The following RTN4 variants were observed in gnomAD, a reference collection of about 807,000 sequenced individuals.
The protein encoded by RTN4 is reticulon 4, also known as reticulon-4.
Under a neutral mutation model 90.4 loss-of-function variants are expected in RTN4, and 32 were observed. That is an observed-to-expected ratio of 0.35 (90% CI 0.27 to 0.48). The LOEUF (loss-of-function observed/expected upper bound fraction) is 0.48. Among genes scored for constraint, RTN4 ranks in the 20% least tolerant of loss-of-function variants. The pLI is 0.99. For missense variants in RTN4, 1,706 were observed against 1,430.2 expected, an observed-to-expected ratio of 1.19 and a Z score of -3.11; for synonymous variants, 629 against 552.5, an observed-to-expected ratio of 1.14 and a Z score of -1.94.
intron 5 of RTN4, among the ~76,000 whole-genome samples, chr2:54,978,720 T>C (rs375421277): frequency 6.6e-6 from 1 of 152,318 alleles, no homozygotes; most frequent in South Asian, 2.1e-4. Context: ...AAAATCAATG[T>C]AATTCCAATA....
In RTN4 at chr2:54,973,191, C is replaced by T. The variant is rs1677263284; in HGVS notation, c.3544G>A (p.Ala1182Thr). Residue 1182 changes from alanine (A) to threonine (T), a missense_variant, in exon 9 of 9, where the codon GCA (alanine) becomes ACA (threonine). Coordinates refer to ENST00000337526, the MANE Select transcript of RTN4 (RefSeq NM_020532.5). Reference protein sequence around the residue: ...NVKDAMAKIQAKIPGLKRKAE With the variant: ...NVKDAMAKIQTKIPGLKRKAE ...TTGCGCTTCAATCCAGGGATTTTTG[C>T]TTGGATTCTGAAAATGAAAAAGTCA... 6.2e-7 allele frequency: 1 copy of T among 1,603,058 alleles called. No individual in the cohort carries two copies. Among genetic ancestry groups the T allele is most frequent in the African/African-American group, 1.3e-5 (1 of 74,916 alleles).
intron 1 of RTN4, among the ~76,000 whole-genome samples, chr2:55,039,293 G>A (rs1038269395): frequency 3.3e-5 from 5 of 152,090 alleles, no homozygotes; most frequent in Admixed American, 6.6e-5. Context: ...AAAACATTAA[G>A]GTGAAAAAGG....
intron 1 of RTN4, among the ~76,000 whole-genome samples, chr2:55,035,636 A>G (rs1263968519): frequency 6.6e-6 from 1 of 151,898 alleles, no homozygotes; most frequent in Non-Finnish European, 1.5e-5. Flanking sequence ...AAAAAAAAAA[A>G]TCAATGAAAC....
chr2:55,094,548 C>A (rs1668998579), intron 1 of RTN4, among the ~76,000 whole-genome samples: 1 of 152,108 alleles, frequency 6.6e-6, no homozygotes, highest in Admixed American at 6.6e-5. Flanking sequence ...CGCCACATAC[C>A]ATAAACAAGT....
chr2:54,989,367 C>T (rs1334484520), intron 3 of RTN4, among the ~76,000 whole-genome samples: 1 of 152,042 alleles, frequency 6.6e-6, no homozygotes, highest in African/African-American at 2.4e-5. Flanking sequence ...TCAAATATTC[C>T]CAAACTTGTT....
chr2:55,102,277 T>G lies in RTN4; in HGVS notation c.-214+10243A>C, dbSNP rs188494083. ...TTGTAAGGCTGAAATCCCTTGAAGA[T>G]GGTATATAAACTACTACTTTAGGCC... On this transcript the variant is annotated intron_variant, in intron 1 of 3. Coordinates refer to the RTN4 transcript ENST00000427710. 2.4e-3 allele frequency among the ~76,000 whole-genome samples: 364 copies of G among 152,228 alleles called. 2 individuals are homozygous for G. The highest frequency in any genetic ancestry group is 4.0e-3 in the East Asian group (21 of 5,188).
At chr2:54,994,266 G>T (rs180735963) in intron 3 of RTN4, among the ~76,000 whole-genome samples, 1 of 152,206 alleles carries the variant, frequency 6.6e-6, no homozygotes, top group Admixed American at 6.5e-5. Flanking sequence ...ATCAGACAAA[G>T]ACATCACAAG....
rs71410411 is a variant in RTN4 at position 55,036,599 on chromosome 2, CAAAAAAAAAA to C, written c.557-8389_557-8380del. Among the ~76,000 whole-genome samples the C allele has an allele frequency of 1.2e-4, 9 of 72,996 alleles. 1 individual carries two copies. The highest frequency in any genetic ancestry group is 7.9e-4 in the East Asian group (2 of 2,522). The allele number at this position is 72,996 out of a possible 152,430, so 47.9% of individuals were successfully genotyped here. A position where few individuals can be genotyped will look rare whatever the true frequency, so the allele number is the denominator to read the frequency against. On this transcript the variant is annotated intron_variant, in intron 1 of 8. Transcript: ENST00000337526. ...CCCAGGCAACAGAGCAAGACTGTCTCAAAAAAAAAAAAAAAAAAAAAAAAATTAAAAAAAT... is the reference window on the plus strand; with the variant it reads ...CCCAGGCAACAGAGCAAGACTGTCTCAAAAAAAAAAAAAAATTAAAAAAAT...
chr2:55,103,107 C>CG lies in RTN4; in HGVS notation c.-214+9412dup, dbSNP rs1553453332. On this transcript the variant is annotated intron_variant, in intron 1 of 3. Transcript: ENST00000427710. ...CACTCCAGCAACAAGGGCAAAACTC[C>CG]GGAAAAAAAAAAAAAAAAGGAAGTA... 5.1e-5 allele frequency among the ~76,000 whole-genome samples: 5 copies of CG among 97,396 alleles called. No homozygotes were observed. The Admixed American group carries it at 5.5e-4, about 11-fold the overall frequency. 63.9% of individuals were successfully genotyped at this position (97,396 alleles called of 152,430 possible).
At chr2:55,010,115 G>T in intron 3 of RTN4, 1 of 1,613,460 alleles carries the variant, frequency 6.2e-7, no homozygotes. Context: ...TCTTCTGACC[G>T]TCCATCTCTT....
rs1668004989 is a variant in RTN4 at position 55,049,917 on chromosome 2, G to C, written c.384C>G (p.Val128=). The change falls in exon 1 of 9, where the codon GTC becomes GTG. Residue 128 remains valine, a synonymous_variant. Coordinates refer to ENST00000337526, the MANE Select transcript of RTN4 (RefSeq NM_020532.5). ...CGTCCTCAGGGAGCTTGGAGGGCGA[G>C]ACTGCGGCAGCAGACAGCGGGGATG... ...PAPSPLSAAA[V]SPSKLPEDDE... is the part of the protein sequence containing the mutation. 16 of 1,336,050 alleles carry C rather than the reference G, an allele frequency of 1.2e-5. No individual in the cohort carries two copies. The highest frequency in any genetic ancestry group is 5.5e-4 in the Middle Eastern group (2 of 3,622). The allele number at this position is 1,336,050 out of a possible 1,614,324, so 82.8% of individuals were successfully genotyped here. A position where few individuals can be genotyped will look rare whatever the true frequency, so the allele number is the denominator to read the frequency against.
intron 3 of RTN4, among the ~76,000 whole-genome samples, chr2:55,008,710 CAAAT>C (rs1261511317): frequency 2.0e-5 from 3 of 152,040 alleles, no homozygotes; most frequent in African/African-American, 7.2e-5. Flanking sequence ...ATTACTTCAA[CAAAT>C]AAAGAACTTA....
intron 2 of RTN4, among the ~76,000 whole-genome samples, chr2:55,068,028 G>T (rs1668424008): frequency 6.6e-6 from 1 of 152,126 alleles, no homozygotes; most frequent in Admixed American, 6.6e-5. Flanking sequence ...ATCTACTTCT[G>T]CATTCAATCT....
chr2:55,133,746 G>A, the RTN4 span, among the ~76,000 whole-genome samples: 1 of 152,138 alleles, frequency 6.6e-6, no homozygotes, highest in Non-Finnish European at 1.5e-5. Context: ...CCCCTAAGGA[G>A]ACCCAGCAGC....
intron 3 of RTN4, among the ~76,000 whole-genome samples, chr2:55,019,858 T>C (rs1458208169): frequency 6.6e-6 from 1 of 152,084 alleles, no homozygotes; most frequent in East Asian, 1.9e-4. Context: ...TTCTGTAAAG[T>C]TGCAGGATAT....
At chr2:55,022,574 T>C (rs536112684) in intron 3 of RTN4, among the ~76,000 whole-genome samples, 1 of 152,120 alleles carries the variant, frequency 6.6e-6, no homozygotes, top group Non-Finnish European at 1.5e-5. Flanking sequence ...TTCAGAGACC[T>C]TGGGCAAAAG....
At position 55,050,306 on chromosome 2, in the gene RTN4, G is replaced by A; in HGVS notation, c.-6C>T. 2 of 1,414,038 alleles carry A rather than the reference G, an allele frequency of 1.4e-6. No homozygotes were observed. Among genetic ancestry groups the A allele is most frequent in the Non-Finnish European group, 1.8e-6 (2 of 1,083,440 alleles). 87.6% of individuals were successfully genotyped at this position (1,414,038 alleles called of 1,614,324 possible). A position where few individuals can be genotyped will look rare whatever the true frequency, so the allele number is the denominator to read the frequency against. On this transcript the variant is annotated 5_prime_UTR_variant, in exon 1 of 9. Transcript: ENST00000337526. The surrounding 1 kb of genome is among the most constrained non-coding windows in gnomAD (Gnocchi z 4.6). ...GACTGGTCCAGGTCTTCCATGGCTG[G>A]AGGGTGGAGATGATGCTGCAGCTGC...
At chr2:54,980,379 T>C (rs992346154) in intron 5 of RTN4, among the ~76,000 whole-genome samples, 1 of 152,206 alleles carries the variant, frequency 6.6e-6, no homozygotes, top group Non-Finnish European at 1.5e-5. Context: ...GGATGAAAAT[T>C]TTCTCTGAAA....
chr2:55,018,421 G>C (rs1197680139), intron 3 of RTN4, among the ~76,000 whole-genome samples: 1 of 152,106 alleles, frequency 6.6e-6, no homozygotes, highest in African/African-American at 2.4e-5. Flanking sequence ...AAAGAAAAAA[G>C]AACAAACTAA....
Sources: allele counts gnomAD v4.1 joint callset (sites outside exome capture counted in the v4.1 genomes callset), GRCh38; gene constraint gnomAD v4.1.1; non-coding constraint Gnocchi (gnomAD v3.1); transcripts MANE v1.5; gene names NCBI Gene and HGNC (gene_info 2026-07-23, HGNC 2026-07-21).